Variants in ADRA1D observed in about 807,000 individuals in gnomAD.
ADRA1D encodes the protein adrenoceptor alpha 1D.
Under a neutral mutation model 18.6 loss-of-function variants are expected in ADRA1D, and 22 were observed. The ratio of observed to expected loss-of-function variants is 1.19; its 90% CI spans 0.85 to 1.69. ADRA1D has a LOEUF of 1.69. ADRA1D is among the 40% of genes most tolerant of loss of function. The pLI, the probability that ADRA1D is intolerant of heterozygous loss-of-function variation, is 0.00. For missense variants in ADRA1D, 840 were observed against 840.7 expected (o/e 1.00, Z 0.01); for synonymous variants, 376 against 388.2 (o/e 0.97, Z 0.37).
At chr20:4,231,218 C>T (rs1306552320) in intron 1 of ADRA1D, among the ~76,000 whole-genome samples, 1 of 151,226 alleles carries the variant, frequency 6.6e-6, no homozygotes, top group Non-Finnish European at 1.5e-5. Flanking sequence ...TTGCCTCAGC[C>T]TCCCAATTAG....
In ADRA1D at chr20:4,248,921, C is replaced by T. The variant is rs1446683673; in HGVS notation, c.37G>A (p.Gly13Arg). The change falls in exon 1 of 2, where the codon GGA becomes AGA. Residue 13 changes from glycine to arginine, a missense_variant. Coordinates refer to ENST00000379453, the MANE Select transcript of ADRA1D (RefSeq NM_000678.4). ...FRDLLSVSFEGPRPDSSAGGS... is the reference protein window; with the variant it reads ...FRDLLSVSFERPRPDSSAGGS... ...CCTGCGCTGCTGTCCGGGCGGGGTC[C>T]CTCGAAACTGACGCTCAGGAGATCG... The T allele has an allele frequency of 6.0e-6, 8 of 1,342,622 alleles. No homozygotes were observed. Among genetic ancestry groups the T allele is most frequent in the Admixed American group, 5.4e-5 (2 of 36,798 alleles). 83.2% of individuals were successfully genotyped at this position (1,342,622 alleles called of 1,614,324 possible). A position where few individuals can be genotyped will look rare whatever the true frequency, so the allele number is the denominator to read the frequency against.
intron 1 of ADRA1D, among the ~76,000 whole-genome samples, chr20:4,225,646 C>T (rs1212911373): frequency 6.6e-6 from 1 of 150,548 alleles, no homozygotes; most frequent in African/African-American, 2.4e-5. Context: ...GAACTACTGA[C>T]CTCAAGTGAT....
At chr20:4,232,889 C>T (rs549234695) in intron 1 of ADRA1D, among the ~76,000 whole-genome samples, 67 of 152,298 alleles carry the variant, frequency 4.4e-4, no homozygotes, top group African/African-American at 1.6e-3. Context: ...CCTTTCTTGC[C>T]CCAGGGATCC....
At chr20:4,223,056 T>C in intron 1 of ADRA1D, among the ~76,000 whole-genome samples, 1 of 152,200 alleles carries the variant, frequency 6.6e-6, no homozygotes, top group East Asian at 1.9e-4. Flanking sequence ...CTCCTCACTT[T>C]TGGGAAATGA....
At chr20:4,237,410 A>C (rs1243194474) in intron 1 of ADRA1D, among the ~76,000 whole-genome samples, 1 of 151,868 alleles carries the variant, frequency 6.6e-6, no homozygotes, top group Non-Finnish European at 1.5e-5. Context: ...AAAAACAATT[A>C]AAACAAAATT....
Position 4,249,212 on chromosome 20 carries a change from T to G in ADRA1D, c.-255A>C, listed in dbSNP as rs79226653. ...GGGGCCCGCTACGCGCGCGGCGCTCTGAGCGTGCCCGGCAAGCGGGCAAAG... is the reference window on the plus strand; with the variant it reads ...GGGGCCCGCTACGCGCGCGGCGCTCGGAGCGTGCCCGGCAAGCGGGCAAAG... On this transcript the variant is annotated 5_prime_UTR_variant, in exon 1 of 2. Transcript: ENST00000379453. 0.25 allele frequency: 40,945 copies of G among 166,716 alleles called. 5,676 individuals are homozygous for G. The highest frequency in any genetic ancestry group is 0.38 in the African/African-American group (16,062 of 41,810). 10.3% of individuals were successfully genotyped at this position (166,716 alleles called of 1,614,324 possible).
Position 4,221,485 on chromosome 20 carries a change from C to T in ADRA1D, c.*38G>A. 2 of 1,570,482 alleles carry T rather than the reference C, an allele frequency of 1.3e-6. No individual in the cohort carries two copies. The highest frequency in any genetic ancestry group is 1.7e-6 in the Non-Finnish European group (2 of 1,154,244). On this transcript the variant is annotated 3_prime_UTR_variant, in exon 2 of 2. Transcript: ENST00000379453. Reference sequence around the variant, plus strand: ...CCCGCCTCTCTGGTCCCCCTTACCCCCAAGCCCAGCACACTCCGCGGCCTA... The same window carrying T: ...CCCGCCTCTCTGGTCCCCCTTACCCTCAAGCCCAGCACACTCCGCGGCCTA...
intron 1 of ADRA1D, among the ~76,000 whole-genome samples, chr20:4,232,205 C>T (rs142505538): frequency 3.3e-5 from 5 of 152,324 alleles, no homozygotes; most frequent in South Asian, 2.1e-4. Flanking sequence ...TTCGCCACTG[C>T]GCCCGGCAGC....
intron 1 of ADRA1D, among the ~76,000 whole-genome samples, chr20:4,227,706 CCTTCCTTCCTTCCTT>C (rs1421178425): frequency 0.056 from 2,024 of 36,016 alleles, 64 homozygotes; most frequent in Non-Finnish European, 0.093. Context: ...CTCCCTCCCT[CCTTCCTTCCTTCCTT>C]CCTTCCTTCC....
chr20:4,230,341 A>G (rs6052445), intron 1 of ADRA1D, among the ~76,000 whole-genome samples: 6 of 152,340 alleles, frequency 3.9e-5, no homozygotes, highest in African/African-American at 1.4e-4. Context: ...CAGGCATATC[A>G]AGCACACAGC....
intron 1 of ADRA1D, among the ~76,000 whole-genome samples, chr20:4,226,938 C>T (rs1405115971): frequency 1.3e-5 from 2 of 152,230 alleles, no homozygotes; most frequent in South Asian, 2.1e-4. Flanking sequence ...CCACCACCTA[C>T]ACCGCCCTGC....
intron 1 of ADRA1D, among the ~76,000 whole-genome samples, chr20:4,246,020 C>T (rs1003218927): frequency 3.3e-5 from 5 of 152,172 alleles, no homozygotes; most frequent in Non-Finnish European, 7.3e-5. Flanking sequence ...ATTACCATCA[C>T]CCCATCTCTA....
At chr20:4,237,471 AAAAG>A (rs1981120123) in intron 1 of ADRA1D, among the ~76,000 whole-genome samples, 1 of 151,142 alleles carries the variant, frequency 6.6e-6, no homozygotes, top group African/African-American at 2.4e-5. Flanking sequence ...AAAAAAAAAA[AAAAG>A]AAAGAAAAAG....
chr20:4,224,181 C>T (rs140337036), intron 1 of ADRA1D, among the ~76,000 whole-genome samples: 11 of 152,198 alleles, frequency 7.2e-5, no homozygotes, highest in African/African-American at 2.7e-4. Flanking sequence ...TTAGGGGCCG[C>T]GAATATTTTT....
At chr20:4,229,203 A>C (rs2122660204) in intron 1 of ADRA1D, among the ~76,000 whole-genome samples, 1 of 152,162 alleles carries the variant, frequency 6.6e-6, no homozygotes, top group Middle Eastern at 3.4e-3. Flanking sequence ...TTAAATATTG[A>C]CTTTACAGCT....
chr20:4,223,229 T>C (rs546409198), intron 1 of ADRA1D, among the ~76,000 whole-genome samples: 1 of 152,264 alleles, frequency 6.6e-6, no homozygotes, highest in Non-Finnish European at 1.5e-5. Flanking sequence ...GATCTTGTTA[T>C]GTAATACCTT....
intron 1 of ADRA1D, among the ~76,000 whole-genome samples, chr20:4,227,339 C>G (rs578022771): frequency 6.6e-6 from 1 of 152,320 alleles, no homozygotes; most frequent in Non-Finnish European, 1.5e-5. Flanking sequence ...TTACACCACT[C>G]GCTCCTGACC....
At chr20:4,228,587 T>C (rs368295917) in intron 1 of ADRA1D, among the ~76,000 whole-genome samples, 3 of 152,356 alleles carry the variant, frequency 2.0e-5, no homozygotes, top group South Asian at 4.1e-4. Flanking sequence ...TTACCTACAG[T>C]GTAACCTTTC....
intron 1 of ADRA1D, among the ~76,000 whole-genome samples, chr20:4,247,154 G>A (rs1981353160): frequency 6.6e-6 from 1 of 152,250 alleles, no homozygotes; most frequent in Non-Finnish European, 1.5e-5. Context: ...TGTGAAAGAA[G>A]CAGGAAAGTT....
Sources: allele counts gnomAD v4.1 joint callset (sites outside exome capture counted in the v4.1 genomes callset), GRCh38; gene constraint gnomAD v4.1.1; transcripts MANE v1.5; gene names NCBI Gene and HGNC (gene_info 2026-07-23, HGNC 2026-07-21).